PARP15: variants seen among roughly 807,000 people sequenced by gnomAD.
PARP15 encodes the protein protein mono-ADP-ribosyltransferase PARP15.
PARP15 carries 50 observed loss-of-function variants against 62.1 expected under a neutral mutation model. The ratio of observed to expected loss-of-function variants is 0.81; its 90% CI spans 0.64 to 1.02. The LOEUF (loss-of-function observed/expected upper bound fraction) is 1.02. Among genes scored for constraint, PARP15 ranks in the 50% least tolerant of loss-of-function variants. The pLI is 0.00. For synonymous variants in PARP15, 309 were observed against 293.1 expected, an observed-to-expected ratio of 1.05 and a Z score of -0.55; for missense variants, 820 against 826.5, an observed-to-expected ratio of 0.99 and a Z score of 0.10.
At position 122,610,482 on chromosome 3, in the gene PARP15, A is replaced by G; in HGVS notation, c.307-12A>G. On this transcript the variant is annotated splice_polypyrimidine_tract_variant and intron_variant, in intron 2 of 11. Transcript: ENST00000464300. Reference sequence around the variant, plus strand: ...ATTGATTCAATCTCTAACTGTTGCTATTTTCGTTAAGGCCGATGTCATTGT... The same window carrying G: ...ATTGATTCAATCTCTAACTGTTGCTGTTTTCGTTAAGGCCGATGTCATTGT... 3 of 1,543,870 alleles carry G rather than the reference A, an allele frequency of 1.9e-6. No individual in the cohort carries two copies. The highest frequency in any genetic ancestry group is 2.6e-6 in the Non-Finnish European group (3 of 1,142,714).
chr3:122,598,427 G>T (rs1213789220), intron 1 of PARP15, among the ~76,000 whole-genome samples: 1 of 152,130 alleles, frequency 6.6e-6, no homozygotes, highest in Non-Finnish European at 1.5e-5. Context: ...ACTGCGACTG[G>T]AGAGTCTGCT....
rs776496069 is a variant in PARP15 at position 122,621,506 on chromosome 3, A to T, written c.1126A>T (p.Ile376Phe). 3 of 1,614,028 alleles carry T rather than the reference A, an allele frequency of 1.9e-6. No homozygotes were observed. The highest frequency in any genetic ancestry group is 2.5e-6 in the Non-Finnish European group (3 of 1,179,960). The change falls in exon 8 of 12, where the codon ATT (isoleucine) becomes TTT (phenylalanine). Residue 376 changes from isoleucine to phenylalanine, a missense_variant. By Grantham distance (21) the Ile-to-Phe change is conservative. This residue lies in a region of PARP15 where 731 missense variants were observed against 727.7 expected (regional missense o/e 1.00). Coordinates refer to ENST00000464300, the MANE Select transcript of PARP15 (RefSeq NM_001113523.3). ...PGGCLKCKII[I>F]HVPGGKDVRK... ...TGGATGCTTAAAGTGCAAAATAATA[A>T]TTCATGTTCCTGGGGGAAAAGATGT... is the stretch of plus-strand genomic sequence containing the variant.
At position 122,610,709 on chromosome 3, in the gene PARP15, T is replaced by G. The variant is rs1935502932; in HGVS notation, c.522T>G (p.Asn174Lys). 1 of 1,529,602 alleles carries G rather than the reference T, an allele frequency of 6.5e-7. No homozygotes were observed. The highest frequency in any genetic ancestry group is 8.8e-7 in the Non-Finnish European group (1 of 1,136,930). 94.8% of individuals were successfully genotyped at this position (1,529,602 alleles called of 1,614,324 possible). The change falls in exon 3 of 12, where the codon AAT becomes AAG. Residue 174 changes from asparagine (N) to lysine (K), a missense_variant. This residue lies in a region of PARP15 where 731 missense variants were observed against 727.7 expected (regional missense o/e 1.00). Transcript: ENST00000464300. ...ATGCTGTGGCTCCATACTGGAATAA[T>G]GGAGCAGAGACTTCTTGGCAGGTAG... ...VLHAVAPYWN[N>K]GAETSWQIMA...
chr3:122,635,832 C>A lies in PARP15; in HGVS notation c.1769C>A (p.Thr590Asn), dbSNP rs557955586. Reference sequence around the variant, plus strand: ...CCAGCTGTATCCTATGGAAAAGGAACCTATTTTGCTGTGGATGCCAGTTAT... The same window carrying A: ...CCAGCTGTATCCTATGGAAAAGGAAACTATTTTGCTGTGGATGCCAGTTAT... ...GKNAVSYGKG[T>N]YFAVDASYSA... The change falls in exon 12 of 12, where the codon ACC (threonine) becomes AAC (asparagine). Residue 590 changes from threonine (T) to asparagine (N), a missense_variant. By Grantham distance (65) the Thr-to-Asn change is moderately conservative (BLOSUM62 0). This residue lies in a region of PARP15 where 731 missense variants were observed against 727.7 expected (regional missense o/e 1.00). Transcript: ENST00000464300. 2 of 1,613,582 alleles carry A rather than the reference C, an allele frequency of 1.2e-6. No individual in the cohort carries two copies. The highest frequency in any genetic ancestry group is 4.5e-5 in the East Asian group (2 of 44,866).
chr3:122,615,819 C>A lies in PARP15; in HGVS notation c.812C>A (p.Pro271His), dbSNP rs1358363832. The change falls in exon 5 of 12, where the codon CCC becomes CAC. Residue 271 changes from proline to histidine, a missense_variant. Transcript: ENST00000464300. The part of the protein sequence containing the change: ...DEFTNWSRIN[P>H]NKARIPMAGD... The stretch of plus-strand genomic sequence containing the variant: ...TTCACTAACTGGTCAAGAATAAATC[C>A]CAACAAGGCCAGGATTCCCATGGCA... 2.5e-6 allele frequency: 4 copies of A among 1,613,234 alleles called. No individual in the cohort carries two copies. The highest frequency in any genetic ancestry group is 3.4e-6 in the Non-Finnish European group (4 of 1,179,588).
chr3:122,612,116 C>T (rs551761499), intron 3 of PARP15, among the ~76,000 whole-genome samples: 11 of 151,742 alleles, frequency 7.2e-5, no homozygotes, highest in Admixed American at 2.0e-4. Flanking sequence ...AGTGCAGTGG[C>T]GCGATCTTAC....
chr3:122,601,359 T>C (rs555617618), intron 1 of PARP15, among the ~76,000 whole-genome samples: 2 of 152,306 alleles, frequency 1.3e-5, no homozygotes, highest in South Asian at 4.1e-4. Context: ...GTGTCCACCA[T>C]TGCAATATCA....
At position 122,637,773 on chromosome 3, in the gene PARP15, ATAT is replaced by A. The variant is rs1937445389; in HGVS notation, c.*1678_*1680del. The stretch of plus-strand genomic sequence containing the variant: ...ATTTTGTTCTGTCACAAATCATATA[ATAT>A]TATTTCTACCATTTTTCTTTTTTTA... On this transcript the variant is annotated 3_prime_UTR_variant, in exon 12 of 12. Transcript: ENST00000464300. 1 of 151,944 alleles carries A rather than the reference ATAT, an allele frequency of 6.6e-6. No individual in the cohort carries two copies. Among genetic ancestry groups the A allele is most frequent in the South Asian group, 2.1e-4 (1 of 4,810 alleles). The allele number at this position is 151,944 out of a possible 1,614,324, so 9.4% of individuals were successfully genotyped here.
intron 10 of PARP15, among the ~76,000 whole-genome samples, chr3:122,632,654 T>A (rs897561827): frequency 6.6e-6 from 1 of 152,214 alleles, no homozygotes; most frequent in Non-Finnish European, 1.5e-5. Flanking sequence ...CTGGCAGCAA[T>A]TAGGGGGTCT....
intron 4 of PARP15, chr3:122,615,030 CAA>C (rs11356111): frequency 0.024 from 19,588 of 811,826 alleles, no homozygotes; most frequent in Non-Finnish European, 0.026. Flanking sequence ...ACTCTGTCTG[CAA>C]AAAAAAAAAA....
At chr3:122,592,038 C>T (rs540471825) in intron 1 of PARP15, among the ~76,000 whole-genome samples, 2 of 152,254 alleles carry the variant, frequency 1.3e-5, no homozygotes, top group South Asian at 2.1e-4. Flanking sequence ...GTAGTGATTC[C>T]TCAAAGATCT....
rs202111356 is a variant in PARP15 at position 122,635,884 on chromosome 3, A to G, written c.1821A>G (p.Pro607=). 872 of 1,614,140 alleles carry G rather than the reference A, an allele frequency of 5.4e-4. 2 individuals carry two copies. The highest frequency in any genetic ancestry group is 7.1e-4 in the Non-Finnish European group (834 of 1,179,996). ...CTGCCAAGGACACCTACTCCAAGCCAGACAGCAATGGGAGAAAGCACATGT... is the reference window on the plus strand; with the variant it reads ...CTGCCAAGGACACCTACTCCAAGCCGGACAGCAATGGGAGAAAGCACATGT... ...SYSAKDTYSK[P]DSNGRKHMYV... Residue 607 remains proline, a synonymous_variant, in exon 12 of 12, where the codon CCA becomes CCG. Transcript: ENST00000464300.
At chr3:122,581,433 A>G (rs573265593) in intron 1 of PARP15, among the ~76,000 whole-genome samples, 30 of 151,934 alleles carry the variant, frequency 2.0e-4, no homozygotes, top group Non-Finnish European at 2.5e-4. Context: ...CTTTCACAGC[A>G]CCCATCCTAA....
intron 9 of PARP15, among the ~76,000 whole-genome samples, chr3:122,629,388 C>T (rs1169338591): frequency 6.6e-6 from 1 of 152,294 alleles, no homozygotes; most frequent in East Asian, 1.9e-4. Flanking sequence ...CCACCGGCCT[C>T]TCAAAGTGCT....
rs142475278 is a variant in PARP15 at position 122,626,857 on chromosome 3, C to T, written c.1262C>T (p.Ala421Val). ...GNAGKNPITV[A>V]DNIIDAIVDF... is the part of the protein sequence containing the mutation. ...GCCGGAAAAAACCCTATCACAGTTG[C>T]TGATAACATAATCGATGCTATTGTA... Residue 421 changes from alanine to valine, a missense_variant, in exon 9 of 12, where the codon GCT becomes GTT. Ala to Val is a moderately conservative substitution (Grantham distance 64, BLOSUM62 0). This residue lies in a region of PARP15 where 731 missense variants were observed against 727.7 expected (regional missense o/e 1.00). Coordinates refer to ENST00000464300, the MANE Select transcript of PARP15 (RefSeq NM_001113523.3). 121 of 1,612,808 alleles carry T rather than the reference C, an allele frequency of 7.5e-5. No homozygotes were observed. The East Asian group carries it at 2.6e-3, about 35-fold the overall frequency.
chr3:122,585,853 AATTTATGAACCGAC>A (rs1287367581), intron 1 of PARP15, among the ~76,000 whole-genome samples: 3 of 152,230 alleles, frequency 2.0e-5, no homozygotes, highest in Non-Finnish European at 4.4e-5. Flanking sequence ...CCATTGTGTC[AATTTATGAACCGAC>A]ATTTCTTGAG....
intron 1 of PARP15, among the ~76,000 whole-genome samples, chr3:122,589,843 A>G (rs2107815943): frequency 6.8e-6 from 1 of 147,612 alleles, no homozygotes; most frequent in South Asian, 2.1e-4. Context: ...TTTCTCATTC[A>G]TGTTATTTTT....
chr3:122,577,748 A>T lies in PARP15; in HGVS notation c.81A>T (p.Ala27=), dbSNP rs1178223776. ...PTPRELMHGV[A]GVTSRAGRDR... ...CCAGAGAACTTATGCACGGAGTTGC[A>T]GGTGTTACTTCCAGAGCCGGACGAG... is the stretch of plus-strand genomic sequence containing the variant. The change falls in exon 1 of 12, where the codon GCA becomes GCT. Residue 27 remains alanine, a synonymous_variant. Coordinates refer to ENST00000464300, the MANE Select transcript of PARP15 (RefSeq NM_001113523.3). 1 of 1,551,548 alleles carries T rather than the reference A, an allele frequency of 6.4e-7. No individual in the cohort carries two copies. Among genetic ancestry groups the T allele is most frequent in the Non-Finnish European group, 8.7e-7 (1 of 1,146,970 alleles).
chr3:122,628,636 T>C (rs771252170), intron 9 of PARP15, among the ~76,000 whole-genome samples: 3 of 152,014 alleles, frequency 2.0e-5, no homozygotes, highest in Non-Finnish European at 4.4e-5. Flanking sequence ...AACAAAACAG[T>C]GTAGTTGAAG....
Sources: allele counts gnomAD v4.1 joint callset (sites outside exome capture counted in the v4.1 genomes callset), GRCh38; gene constraint gnomAD v4.1.1; regional missense constraint gnomAD v4.1.1; transcripts MANE v1.5; gene names NCBI Gene and HGNC (gene_info 2026-07-23, HGNC 2026-07-21).